SPG11: variants seen among roughly 807,000 people sequenced by gnomAD.
The protein encoded by SPG11 is SPG11 vesicle trafficking associated, spatacsin.
Under a neutral mutation model 274.0 loss-of-function variants are expected in SPG11, and 222 were observed. The observed-to-expected ratio is 0.81, with a 90% CI of 0.73 to 0.91. The LOEUF is 0.91. SPG11 is among the 40% of genes least tolerant of loss of function. SPG11 has a pLI of 0.00. For missense variants in SPG11, 3,114 were observed against 2,872.7 expected, an observed-to-expected ratio of 1.08 and a Z score of -1.92; for synonymous variants, 1,144 against 1,039.7, an observed-to-expected ratio of 1.10 and a Z score of -1.93.
At chr15:44,585,551 G>C (rs1050993731) in intron 29 of SPG11, 85 bp downstream of exon 29, 69 of 1,128,382 alleles carry the variant, frequency 6.1e-5, no homozygotes, top group Non-Finnish European at 8.3e-5. Context: ...GCAGCGAGCG[G>C]AGATCGCGCC....
At chr15:44,662,491 G>A (rs1384026845) in intron 1 of SPG11, among the ~76,000 whole-genome samples, 1 of 151,850 alleles carries the variant, frequency 6.6e-6, no homozygotes, top group African/African-American at 2.4e-5. Context: ...AACACAGTGA[G>A]ACCTCATCTC....
At chr15:44,640,775 G>A (rs924797695) in intron 7 of SPG11, among the ~76,000 whole-genome samples, 2 of 152,096 alleles carry the variant, frequency 1.3e-5, no homozygotes, top group African/African-American at 4.8e-5. Context: ...TCTGTCGTCA[G>A]GCTGAAGTGC....
At chr15:44,605,574 T>C (rs1173387192) in intron 20 of SPG11, among the ~76,000 whole-genome samples, 2 of 152,228 alleles carry the variant, frequency 1.3e-5, no homozygotes, top group Non-Finnish European at 2.9e-5. Context: ...GGTACTTAAA[T>C]GCCTTGCCTC....
At chr15:44,636,925 C>CAAAAAAACAAAAACA (rs2084275270) in intron 7 of SPG11, among the ~76,000 whole-genome samples, 2 of 19,452 alleles carry the variant, frequency 1.0e-4, no homozygotes, top group Non-Finnish European at 1.6e-4. Flanking sequence ...GACTCCATCT[C>CAAAAAAACAAAAACA]AAAAAAAAAA....
chr15:44,575,357 C>A (rs2082513109), intron 30 of SPG11: 1 of 305,014 alleles, frequency 3.3e-6, no homozygotes, highest in South Asian at 4.4e-5. Context: ...TCAAATAAGT[C>A]ACCAAGTATA....
At chr15:44,652,071 A>G (rs2084798184) in intron 5 of SPG11, 58 bp downstream of exon 5, 2 of 1,605,528 alleles carry the variant, frequency 1.2e-6, no homozygotes, top group Non-Finnish European at 8.5e-7. Flanking sequence ...GAAAGGGTAC[A>G]GCGTCAGCAT....
At chr15:44,619,657 G>T (rs1451965118) in intron 15 of SPG11, among the ~76,000 whole-genome samples, 1 of 151,794 alleles carries the variant, frequency 6.6e-6, no homozygotes, top group Non-Finnish European at 1.5e-5. Flanking sequence ...AAAATGTTTT[G>T]GGAGGAACCT....
chr15:44,568,807 G>C (rs1595821175), intron 35 of SPG11, among the ~76,000 whole-genome samples: 1 of 152,288 alleles, frequency 6.6e-6, no homozygotes, highest in East Asian at 1.9e-4. Context: ...GCCCCTGCCA[G>C]AGAAGGCATT....
intron 30 of SPG11, among the ~76,000 whole-genome samples, chr15:44,581,160 G>A (rs747670715): frequency 6.6e-6 from 1 of 152,154 alleles, no homozygotes; most frequent in African/African-American, 2.4e-5. Context: ...CCATGGAGGC[G>A]AAAAGGAAGT....
intron 7 of SPG11, among the ~76,000 whole-genome samples, chr15:44,638,295 C>G (rs886427391): frequency 3.3e-5 from 5 of 152,006 alleles, no homozygotes; most frequent in Non-Finnish European, 7.4e-5. Context: ...AATGCCTCTA[C>G]TAAAAATACA....
At chr15:44,633,464 C>G in intron 8 of SPG11, 41 bp downstream of exon 8, 1 of 1,427,696 alleles carries the variant, frequency 7.0e-7, no homozygotes, top group African/African-American at 1.5e-5. Context: ...TTAAGAAGAT[C>G]AAATGATAAA....
At chr15:44,650,008 A>G (rs1295790596) in intron 6 of SPG11, among the ~76,000 whole-genome samples, 1 of 152,228 alleles carries the variant, frequency 6.6e-6, no homozygotes, top group East Asian at 1.9e-4. Context: ...CTATTATAAA[A>G]TAATTCATAG....
chr15:44,604,137 C>G, intron 20 of SPG11: 1 of 443,096 alleles, frequency 2.3e-6, no homozygotes, highest in South Asian at 1.6e-5. Flanking sequence ...AAGCTTATTT[C>G]TGAAATAAAG....
At chr15:44,658,411 C>G (rs1419661118) in intron 3 of SPG11, among the ~76,000 whole-genome samples, 1 of 150,500 alleles carries the variant, frequency 6.6e-6, no homozygotes, top group African/African-American at 2.4e-5. Context: ...TCATTAGAGA[C>G]AAGAGGTAGA....
chr15:44,595,280 T>G lies in SPG11; in HGVS notation c.4614A>C (p.Arg1538Ser). ...LTRQKSKTLI[R>S]GFQLFFKDSP... ...CTACCTTAAAGAAAAGCTGGAAACC[T>G]CTGATGAGAGTTTTGCTCTTTTGTC... Residue 1538 changes from arginine (R) to serine (S), a missense_variant, in exon 26 of 40, where the codon AGA (arginine) becomes AGC (serine). Arg to Ser is a moderately radical substitution (Grantham distance 110, BLOSUM62 -1). Transcript: ENST00000261866. 1 of 1,614,192 alleles carries G rather than the reference T, an allele frequency of 6.2e-7. No individual in the cohort carries two copies. The highest frequency in any genetic ancestry group is 8.5e-7 in the Non-Finnish European group (1 of 1,180,006).
intron 19 of SPG11, 92 bp from the exon 20 acceptor site, chr15:44,606,183 G>C: frequency 2.7e-6 from 3 of 1,120,908 alleles, no homozygotes; most frequent in Non-Finnish European, 4.0e-6. Context: ...GAGGTAGTCT[G>C]CTCCCCTTTT....
intron 16 of SPG11, among the ~76,000 whole-genome samples, chr15:44,615,055 A>C (rs2083558751): frequency 6.6e-6 from 1 of 152,220 alleles, no homozygotes; most frequent in African/African-American, 2.4e-5. Flanking sequence ...GAAAACTCCA[A>C]GTAAAACTTT....
At chr15:44,610,778 C>A in intron 18 of SPG11, 62 bp downstream of exon 18, 1 of 1,400,296 alleles carries the variant, frequency 7.1e-7, no homozygotes, top group Non-Finnish European at 1.0e-6. Flanking sequence ...TCTAGACAAT[C>A]CATAGATAAT....
chr15:44,662,027 G>T (rs1344164300), intron 1 of SPG11, among the ~76,000 whole-genome samples: 1 of 152,010 alleles, frequency 6.6e-6, no homozygotes, highest in African/African-American at 2.4e-5. Flanking sequence ...TCCCTGCTGG[G>T]TTCTCAAACA....
Sources: allele counts gnomAD v4.1 joint callset (sites outside exome capture counted in the v4.1 genomes callset), GRCh38; gene constraint gnomAD v4.1.1; transcripts MANE v1.5; gene names NCBI Gene and HGNC (gene_info 2026-07-23, HGNC 2026-07-21).